ARHGEF37: variants seen among roughly 807,000 people sequenced by gnomAD.
The protein encoded by ARHGEF37 is Rho guanine nucleotide exchange factor 37, also known as Rho guanine nucleotide exchange factor (GEF) 37.
A neutral mutation model predicts 71.1 loss-of-function variants in ARHGEF37; 55 were observed. The observed-to-expected ratio is 0.77, with a 90% CI of 0.62 to 0.97. The LOEUF (loss-of-function observed/expected upper bound fraction) is 0.97, where lower values mean the gene tolerates loss of function less well. Ranked by LOEUF, ARHGEF37 falls within the 50% of genes least tolerant of loss-of-function variation. The pLI is 0.00. For missense variants in ARHGEF37, 765 were observed against 836.8 expected (o/e 0.91, Z 1.06); for synonymous variants, 327 against 350.6 (o/e 0.93, Z 0.75).
chr5:149,595,773 A>C (rs1270197004), intron 1 of ARHGEF37, among the ~76,000 whole-genome samples: 3 of 152,106 alleles, frequency 2.0e-5, no homozygotes, highest in Non-Finnish European at 1.5e-5. Context: ...CTTTTTGTAT[A>C]AATTTATCAG....
intron 1 of ARHGEF37, among the ~76,000 whole-genome samples, chr5:149,559,474 G>A (rs1487104377): frequency 6.6e-6 from 1 of 152,172 alleles, no homozygotes; most frequent in Non-Finnish European, 1.5e-5. Flanking sequence ...GAATCATATT[G>A]ATGGAACAAC....
In ARHGEF37 at chr5:149,621,988, A is replaced by C. The variant is rs4629585; in HGVS notation, c.1261A>C (p.Met421Leu). The C allele has an allele frequency of 0.39, 624,592 of 1,613,668 alleles. 123,658 individuals carry two copies. The highest frequency in any genetic ancestry group is 0.52 in the East Asian group (23,249 of 44,860). The change falls in exon 9 of 13, where the codon ATG becomes CTG. Residue 421 changes from methionine (M) to leucine (L), a missense_variant. By Grantham distance (15) the Met-to-Leu change is conservative. This residue lies in a region of ARHGEF37 where 390 missense variants were observed against 407.4 expected (regional missense o/e 0.96). Coordinates refer to ENST00000333677, the MANE Select transcript of ARHGEF37 (RefSeq NM_001001669.3). The stretch of plus-strand genomic sequence containing the variant: ...GGTCATGCAGTGGCTGGGCCAGATC[A>C]TGTGCACATTCGTGACCCTCCAGAG... The part of the protein sequence containing the change: ...QLVMQWLGQI[M>L]CTFVTLQRDL...
intron 1 of ARHGEF37, among the ~76,000 whole-genome samples, chr5:149,562,957 C>T (rs1261408247): frequency 6.6e-6 from 1 of 152,192 alleles, no homozygotes; most frequent in African/African-American, 2.4e-5. Flanking sequence ...CATAGTTCAT[C>T]TGCAGCTCAA....
intron 1 of ARHGEF37, among the ~76,000 whole-genome samples, chr5:149,568,893 TC>T (rs1278576010): frequency 6.6e-6 from 1 of 151,420 alleles, no homozygotes; most frequent in Admixed American, 6.6e-5. Flanking sequence ...GTCAGTCACT[TC>T]CCCATTCAGA....
chr5:149,614,055 C>T (rs186979764), intron 4 of ARHGEF37, among the ~76,000 whole-genome samples: 3 of 151,936 alleles, frequency 2.0e-5, no homozygotes, highest in South Asian at 2.1e-4. Flanking sequence ...TGAGCCACTG[C>T]GCCCAGCACA....
At position 149,633,390 on chromosome 5, in the gene ARHGEF37, T is replaced by C. The variant is rs550552197; in HGVS notation, c.*1199T>C. On this transcript the variant is annotated 3_prime_UTR_variant, in exon 13 of 13. Coordinates refer to ENST00000333677, the MANE Select transcript of ARHGEF37 (RefSeq NM_001001669.3). Reference sequence around the variant, plus strand: ...TCTTTCCTGTAACCCAGGATCTACCTTGGGGGGCTTCTCAATACTGCATTC... The same window carrying C: ...TCTTTCCTGTAACCCAGGATCTACCCTGGGGGGCTTCTCAATACTGCATTC... The C allele has an allele frequency of 7.2e-5, 11 of 152,362 alleles. No homozygotes were observed. The highest frequency in any genetic ancestry group is 4.6e-4 in the Admixed American group (7 of 15,306). The allele number at this position is 152,362 out of a possible 1,614,324, so 9.4% of individuals were successfully genotyped here.
chr5:149,563,741 G>T (rs1762864731), intron 1 of ARHGEF37, among the ~76,000 whole-genome samples: 2 of 152,018 alleles, frequency 1.3e-5, no homozygotes, highest in South Asian at 4.1e-4. Flanking sequence ...ACTATGACAC[G>T]ACCACTTCTG....
At chr5:149,593,293 G>A (rs1006569238) in intron 1 of ARHGEF37, among the ~76,000 whole-genome samples, 3 of 152,136 alleles carry the variant, frequency 2.0e-5, no homozygotes, top group African/African-American at 4.8e-5. Flanking sequence ...CCCAGAAAAC[G>A]TTGCATCCTT....
intron 1 of ARHGEF37, among the ~76,000 whole-genome samples, chr5:149,563,545 T>C (rs536015764): frequency 7.9e-5 from 12 of 152,358 alleles, no homozygotes; most frequent in Admixed American, 4.6e-4. Context: ...CTAGTTGATA[T>C]AGGATATGTG....
At chr5:149,619,133 G>A in intron 7 of ARHGEF37, 91 bp downstream of exon 7, 1 of 1,084,586 alleles carries the variant, frequency 9.2e-7, no homozygotes, top group Non-Finnish European at 1.4e-6. Flanking sequence ...GCTGGGAAAG[G>A]CACCAGCCTC....
At chr5:149,627,320 C>T in intron 11 of ARHGEF37, 49 bp downstream of exon 11, 1 of 1,573,620 alleles carries the variant, frequency 6.4e-7, no homozygotes, top group Non-Finnish European at 8.6e-7. Flanking sequence ...AAAACCACCC[C>T]ACAGAAGCCG....
At chr5:149,611,965 G>A (rs1237285775) in intron 4 of ARHGEF37, among the ~76,000 whole-genome samples, 2 of 152,168 alleles carry the variant, frequency 1.3e-5, no homozygotes, top group Non-Finnish European at 2.9e-5. Flanking sequence ...CCAATAAAAT[G>A]CTATATAGTT....
intron 9 of ARHGEF37, among the ~76,000 whole-genome samples, chr5:149,623,734 A>G (rs1752603608): frequency 6.6e-6 from 1 of 152,186 alleles, no homozygotes; most frequent in Admixed American, 6.5e-5. Flanking sequence ...GCAGGCAGAA[A>G]CCTCAATCTC....
chr5:149,620,433 G>A lies in ARHGEF37; in HGVS notation c.974G>A (p.Arg325Lys). 1 of 1,612,422 alleles carries A rather than the reference G, an allele frequency of 6.2e-7. No homozygotes were observed. The highest frequency in any genetic ancestry group is 1.1e-5 in the South Asian group (1 of 90,724). ...GPAVQYCNLA[R>K]DLHLEAFLKF... ...GCAGTGCAGTATTGCAATTTGGCAA[G>A]AGACCTTCACCTTGAGGCCTTCCTG... Residue 325 changes from arginine to lysine, a missense_variant, in exon 8 of 13, where the codon AGA becomes AAA. Physicochemically the swap from Arg to Lys is conservative, Grantham distance 26. Coordinates refer to ENST00000333677, the MANE Select transcript of ARHGEF37 (RefSeq NM_001001669.3).
At chr5:149,567,576 A>G (rs1580882743) in intron 1 of ARHGEF37, among the ~76,000 whole-genome samples, 1 of 152,120 alleles carries the variant, frequency 6.6e-6, no homozygotes, top group Non-Finnish European at 1.5e-5. Context: ...TTCTTTCTTT[A>G]TACATCCAGT....
chr5:149,555,289 A>G (rs1447581874), intron 1 of ARHGEF37, among the ~76,000 whole-genome samples: 1 of 152,012 alleles, frequency 6.6e-6, no homozygotes, highest in Non-Finnish European at 1.5e-5. Context: ...AATAATAATA[A>G]TTGTATTTTT....
intron 11 of ARHGEF37, among the ~76,000 whole-genome samples, chr5:149,628,084 C>A (rs552337906): frequency 6.6e-6 from 1 of 152,130 alleles, no homozygotes; most frequent in Non-Finnish European, 1.5e-5. Flanking sequence ...CATGAAACAG[C>A]ACTTCCATGA....
At chr5:149,592,419 T>C (rs547000065) in intron 1 of ARHGEF37, among the ~76,000 whole-genome samples, 2 of 152,266 alleles carry the variant, frequency 1.3e-5, no homozygotes, top group Non-Finnish European at 2.9e-5. Flanking sequence ...AGATTGGCTT[T>C]TTTTCACATA....
chr5:149,598,068 G>C, intron 2 of ARHGEF37, 113 bp downstream of exon 2: 1 of 1,307,924 alleles, frequency 7.6e-7, no homozygotes, highest in Non-Finnish European at 1.0e-6. Context: ...AAGCGTGGTA[G>C]ATGTGAAGTC....
Sources: gnomAD v4.1 joint callset for allele counts (sites outside exome capture counted in the v4.1 genomes callset) on GRCh38, gnomAD v4.1.1 for gene constraint, gnomAD v4.1.1 regional missense constraint, MANE v1.5 for transcripts, NCBI Gene and HGNC (gene_info 2026-07-23, HGNC 2026-07-21) for gene names.